The following TASP1 variants were observed in gnomAD, a reference collection of about 807,000 sequenced individuals.
TASP1 encodes threonine aspartase 1.
In TASP1, 16 loss-of-function variants were observed where a neutral mutation model predicts 56.6. The observed-to-expected ratio is 0.28, with a 90% CI of 0.19 to 0.43. TASP1 has a LOEUF of 0.43. TASP1 is among the 20% of genes least tolerant of loss of function. The pLI, the probability that TASP1 is intolerant of heterozygous loss-of-function variation, is 1.00. For synonymous variants in TASP1, 179 were observed against 184.2 expected, an observed-to-expected ratio of 0.97 and a Z score of 0.23; for missense variants, 393 against 511.6, an observed-to-expected ratio of 0.77 and a Z score of 2.24.
At chr20:13,359,630 C>T in the TASP1 span, among the ~76,000 whole-genome samples, 8 of 151,478 alleles carry the variant, frequency 5.3e-5, no homozygotes, top group South Asian at 4.2e-4. Context: ...GGCTTCTAAA[C>T]CTCTTAAAAC....
At chr20:13,638,225 G>T (rs551008031) in intron 1 of TASP1, among the ~76,000 whole-genome samples, 3 of 152,142 alleles carry the variant, frequency 2.0e-5, no homozygotes, top group African/African-American at 7.2e-5. Flanking sequence ...CGCTAATAAA[G>T]AATAATAATA....
chr20:13,582,348 A>G (rs1017757677), intron 5 of TASP1, among the ~76,000 whole-genome samples: 3 of 151,806 alleles, frequency 2.0e-5, no homozygotes, highest in African/African-American at 7.2e-5. Context: ...ATAAATTTAT[A>G]ACTTATAACT....
chr20:13,235,753 T>C, the TASP1 span, among the ~76,000 whole-genome samples: 119 of 152,278 alleles, frequency 7.8e-4, no homozygotes, highest in Non-Finnish European at 1.6e-3. Context: ...GTAGGAACTG[T>C]GCCTGCAAAT....
At chr20:13,270,589 A>G in the TASP1 span, 1 of 1,613,990 alleles carries the variant, frequency 6.2e-7, no homozygotes, top group Non-Finnish European at 8.5e-7. Context: ...CTGGACCACC[A>G]GGCTGCACAC....
intron 10 of TASP1, among the ~76,000 whole-genome samples, chr20:13,515,467 A>G (rs568489928): frequency 6.6e-6 from 1 of 151,732 alleles, no homozygotes; most frequent in East Asian, 1.9e-4. Flanking sequence ...GCTTGCGAAA[A>G]TGTAGAATCC....
At chr20:13,444,013 C>T (rs772465068) in intron 11 of TASP1, among the ~76,000 whole-genome samples, 32 of 152,166 alleles carry the variant, frequency 2.1e-4, no homozygotes, top group Admixed American at 6.5e-4. Context: ...AGATTTGGTG[C>T]TGTATTCTTG....
the TASP1 span, among the ~76,000 whole-genome samples, chr20:13,123,043 A>G: frequency 6.6e-6 from 1 of 152,140 alleles, no homozygotes; most frequent in African/African-American, 2.4e-5. Context: ...TTGATTAACA[A>G]TACTCGGCCA....
chr20:13,309,571 A>G, the TASP1 span, among the ~76,000 whole-genome samples: 1 of 152,234 alleles, frequency 6.6e-6, no homozygotes, highest in African/African-American at 2.4e-5. Flanking sequence ...GCTTATATTC[A>G]GCACAGTTCT....
intron 7 of TASP1, among the ~76,000 whole-genome samples, chr20:13,563,120 A>G (rs1269460001): frequency 6.6e-6 from 1 of 151,266 alleles, no homozygotes; most frequent in Non-Finnish European, 1.5e-5. Context: ...ATATGCATAT[A>G]TATGTACACA....
chr20:13,116,013 CA>C, the TASP1 span, among the ~76,000 whole-genome samples: 2 of 152,192 alleles, frequency 1.3e-5, no homozygotes, highest in African/African-American at 2.4e-5. Context: ...AATTAACTCA[CA>C]AACTTACATA....
chr20:13,367,505 A>G, the TASP1 span, among the ~76,000 whole-genome samples: 2 of 152,330 alleles, frequency 1.3e-5, no homozygotes, highest in African/African-American at 4.8e-5. Flanking sequence ...GCTTAGACCA[A>G]TGAAATTGGA....
chr20:13,195,226 T>A, the TASP1 span, among the ~76,000 whole-genome samples: 2 of 152,222 alleles, frequency 1.3e-5, no homozygotes, highest in Non-Finnish European at 2.9e-5. Context: ...TTTTTGGCAA[T>A]GAAATTTAAG....
At chr20:13,128,395 A>G in the TASP1 span, among the ~76,000 whole-genome samples, 3 of 152,142 alleles carry the variant, frequency 2.0e-5, no homozygotes, top group African/African-American at 7.2e-5. Flanking sequence ...TGTTTGCATC[A>G]CATCTAATAC....
the TASP1 span, among the ~76,000 whole-genome samples, chr20:13,315,673 T>G: frequency 6.6e-6 from 1 of 151,984 alleles, no homozygotes; most frequent in East Asian, 1.9e-4. Flanking sequence ...TATAGCCTAC[T>G]TCATCCAACA....
At chr20:13,114,304 A>G in the TASP1 span, among the ~76,000 whole-genome samples, 4 of 152,336 alleles carry the variant, frequency 2.6e-5, no homozygotes, top group East Asian at 5.8e-4. Flanking sequence ...TGTTTTCATT[A>G]AGTATCATTT....
At chr20:13,243,779 C>A in the TASP1 span, among the ~76,000 whole-genome samples, 4 of 152,260 alleles carry the variant, frequency 2.6e-5, no homozygotes, top group Admixed American at 2.0e-4. Flanking sequence ...AACTAATCAG[C>A]AAAACATGGT....
At chr20:13,258,686 G>T in the TASP1 span, among the ~76,000 whole-genome samples, 1 of 152,042 alleles carries the variant, frequency 6.6e-6, no homozygotes, top group Non-Finnish European at 1.5e-5. Context: ...AATTCTCGTT[G>T]GTGAGAACAA....
intron 12 of TASP1, among the ~76,000 whole-genome samples, chr20:13,421,966 T>G (rs549558482): frequency 1.5e-3 from 224 of 150,674 alleles, no homozygotes; most frequent in Middle Eastern, 6.8e-3. Flanking sequence ...TTTTTTTTTT[T>G]TTTTTGACAG....
Position 13,587,118 on chromosome 20 carries a change from A to G in TASP1, c.403+132T>C. 3 of 1,221,786 alleles carry G rather than the reference A, an allele frequency of 2.5e-6. No individual in the cohort carries two copies. The South Asian group carries it at 5.6e-5, about 23-fold the overall frequency. The allele number at this position is 1,221,786 out of a possible 1,614,324, so 75.7% of individuals were successfully genotyped here. ...ACTAAGACTGTATGTTTTAAATTCA[A>G]TAAAAAAAGAACATTTGTTTTAAAC... On this transcript the variant is annotated intron_variant, in intron 5 of 13. Transcript: ENST00000337743.
Sources: gnomAD v4.1 joint callset for allele counts (sites outside exome capture counted in the v4.1 genomes callset) on GRCh38, gnomAD v4.1.1 for gene constraint, MANE v1.5 for transcripts, NCBI Gene and HGNC (gene_info 2026-07-23, HGNC 2026-07-21) for gene names.